Variants in LRMDA observed in about 807,000 individuals in gnomAD.
LRMDA encodes the protein leucine rich melanocyte differentiation associated.
LRMDA carries 18 observed loss-of-function variants against 29.8 expected under a neutral mutation model. That is an observed-to-expected ratio of 0.60 (90% CI 0.42 to 0.90). LRMDA has a LOEUF of 0.90. Ranked by LOEUF, LRMDA falls within the 40% of genes least tolerant of loss-of-function variation. LRMDA has a pLI of 0.00. For synonymous variants in LRMDA, 125 were observed against 109.4 expected, an observed-to-expected ratio of 1.14 and a Z score of -0.89; for missense variants, 273 against 273.9, an observed-to-expected ratio of 1.00 and a Z score of 0.02.
intron 2 of LRMDA, among the ~76,000 whole-genome samples, chr10:75,834,502 G>A (rs998779092): frequency 6.6e-6 from 1 of 152,086 alleles, no homozygotes; most frequent in Non-Finnish European, 1.5e-5. Context: ...AAATCATCAA[G>A]TCCTGGCTCC....
intron 5 of LRMDA, among the ~76,000 whole-genome samples, chr10:76,277,954 T>C (rs1237865067): frequency 1.3e-5 from 2 of 152,198 alleles, no homozygotes; most frequent in African/African-American, 4.8e-5. Context: ...CATGGAATTT[T>C]CATGCCCATT....
At chr10:76,019,756 A>G (rs1042822736) in intron 2 of LRMDA, among the ~76,000 whole-genome samples, 1 of 152,142 alleles carries the variant, frequency 6.6e-6, no homozygotes, top group Non-Finnish European at 1.5e-5. Flanking sequence ...ATTGAAATGC[A>G]ATGTGTCACC....
At chr10:76,490,902 T>A (rs1234253849) in intron 6 of LRMDA, among the ~76,000 whole-genome samples, 1 of 151,984 alleles carries the variant, frequency 6.6e-6, no homozygotes, top group Non-Finnish European at 1.5e-5. Flanking sequence ...TCTTGTGGTA[T>A]GATTTAACGT....
intron 2 of LRMDA, among the ~76,000 whole-genome samples, chr10:75,792,351 G>A (rs1843582799): frequency 1.3e-5 from 2 of 151,998 alleles, no homozygotes; most frequent in Admixed American, 6.6e-5. Context: ...TGCAACCTCC[G>A]CCTCCCGGGT....
At chr10:75,724,552 C>T (rs1484473475) in intron 2 of LRMDA, among the ~76,000 whole-genome samples, 2 of 152,104 alleles carry the variant, frequency 1.3e-5, no homozygotes, top group Non-Finnish European at 2.9e-5. Context: ...TAAGCAATGG[C>T]GTGGTGCAGG....
At chr10:75,496,421 A>T (rs1463172749) in intron 2 of LRMDA, among the ~76,000 whole-genome samples, 2 of 152,240 alleles carry the variant, frequency 1.3e-5, no homozygotes, top group African/African-American at 4.8e-5. Flanking sequence ...AACAAAAGTT[A>T]ATTTCTCTTG....
At chr10:76,202,741 A>G (rs1489611748) in intron 5 of LRMDA, among the ~76,000 whole-genome samples, 2 of 151,978 alleles carry the variant, frequency 1.3e-5, no homozygotes, top group East Asian at 1.9e-4. Context: ...AGCTCATGGA[A>G]GGGGAACTTG....
In LRMDA at chr10:75,666,563, A is replaced by G. The variant is rs190000321; in HGVS notation, c.131+228069A>G. ...CTTTCTTAGTGTCAAGTCACTAACTATGAACTAAATAGTTTGAAAAAAACA... is the reference window on the plus strand; with the variant it reads ...CTTTCTTAGTGTCAAGTCACTAACTGTGAACTAAATAGTTTGAAAAAAACA... On this transcript the variant is annotated intron_variant, in intron 2 of 6. Transcript: ENST00000611255. 2.2e-4 allele frequency among the ~76,000 whole-genome samples: 33 copies of G among 152,236 alleles called. No homozygotes were observed. In the East Asian group the frequency reaches 6.0e-3, roughly 28 times the overall value.
Position 75,896,925 on chromosome 10 carries a change from A to AT in LRMDA, c.132-139076dup, listed in dbSNP as rs1396719332. Among the ~76,000 whole-genome samples, 3 of 151,038 alleles carry AT rather than the reference A, an allele frequency of 2.0e-5. 1 individual carries two copies. The highest frequency in any genetic ancestry group is 6.6e-5 in the Admixed American group (1 of 15,126). On this transcript the variant is annotated intron_variant, in intron 2 of 6. Coordinates refer to ENST00000611255, the MANE Select transcript of LRMDA (RefSeq NM_001305581.2). The stretch of plus-strand genomic sequence containing the variant: ...ATCTCATGCTGCTTTGCTTTGTTTC[A>AT]TTTTTTTGGTTGTAAAGTTGAATAA...
At chr10:76,495,594 C>T (rs1052448457) in intron 6 of LRMDA, among the ~76,000 whole-genome samples, 3 of 151,708 alleles carry the variant, frequency 2.0e-5, no homozygotes, top group Non-Finnish European at 2.9e-5. Flanking sequence ...TTCAACAATT[C>T]CACAGTATAT....
At chr10:75,461,129 GAC>G (rs1343253015) in intron 2 of LRMDA, among the ~76,000 whole-genome samples, 3 of 152,114 alleles carry the variant, frequency 2.0e-5, no homozygotes, top group Non-Finnish European at 4.4e-5. Flanking sequence ...AATTTTACGT[GAC>G]ACAGGAGTCT....
At chr10:76,263,929 A>T (rs1839973291) in intron 5 of LRMDA, among the ~76,000 whole-genome samples, 1 of 152,152 alleles carries the variant, frequency 6.6e-6, no homozygotes. Flanking sequence ...CATAATAATG[A>T]TGGATTTGCT....
intron 2 of LRMDA, among the ~76,000 whole-genome samples, chr10:75,687,359 C>A (rs1842095827): frequency 6.6e-6 from 1 of 152,134 alleles, no homozygotes; most frequent in African/African-American, 2.4e-5. Flanking sequence ...GTGAAACAGC[C>A]TTATTGGTGA....
At chr10:75,643,283 CTA>C (rs1841476794) in intron 2 of LRMDA, among the ~76,000 whole-genome samples, 2 of 152,078 alleles carry the variant, frequency 1.3e-5, no homozygotes, top group South Asian at 2.1e-4. Context: ...AAAATGGACT[CTA>C]AATTCATTTG....
intron 2 of LRMDA, among the ~76,000 whole-genome samples, chr10:75,801,729 G>A (rs957770530): frequency 5.3e-5 from 8 of 152,134 alleles, no homozygotes; most frequent in Admixed American, 2.0e-4. Flanking sequence ...ATTGAACTTC[G>A]GCATTTGCTC....
At chr10:76,135,070 TAGATG>T (rs1850068800) in intron 5 of LRMDA, among the ~76,000 whole-genome samples, 3 of 152,224 alleles carry the variant, frequency 2.0e-5, no homozygotes, top group Admixed American at 2.0e-4. Context: ...CAAGAATTTG[TAGATG>T]AGATAACAGT....
intron 2 of LRMDA, among the ~76,000 whole-genome samples, chr10:75,831,392 A>G (rs919983238): frequency 6.6e-6 from 1 of 152,090 alleles, no homozygotes; most frequent in Non-Finnish European, 1.5e-5. Context: ...TTTTGACTCC[A>G]TGTCTCACAT....
intron 2 of LRMDA, among the ~76,000 whole-genome samples, chr10:75,845,350 A>G (rs1844614641): frequency 1.3e-5 from 2 of 152,210 alleles, no homozygotes; most frequent in Non-Finnish European, 2.9e-5. Context: ...GGAACAAGCT[A>G]TATTATACCA....
intron 5 of LRMDA, among the ~76,000 whole-genome samples, chr10:76,189,129 G>T (rs140153849): frequency 3.3e-5 from 5 of 152,108 alleles, no homozygotes; most frequent in African/African-American, 1.2e-4. Flanking sequence ...AAGCTGAGGC[G>T]GGTGGATCAC....
Sources: allele counts gnomAD v4.1 joint callset (sites outside exome capture counted in the v4.1 genomes callset), GRCh38; gene constraint gnomAD v4.1.1; transcripts MANE v1.5; gene names NCBI Gene and HGNC (gene_info 2026-07-23, HGNC 2026-07-21).